The following DDX52 variants were observed in gnomAD, a reference collection of about 807,000 sequenced individuals.
DDX52 encodes the protein probable ATP-dependent RNA helicase DDX52.
DDX52 carries 59 observed loss-of-function variants against 76.1 expected under a neutral mutation model. The ratio of observed to expected loss-of-function variants is 0.78; its 90% CI spans 0.63 to 0.96. The LOEUF is 0.96. DDX52 is among the 40% of genes least tolerant of loss of function. The pLI is 0.00. For synonymous variants in DDX52, 231 were observed against 244.1 expected, an observed-to-expected ratio of 0.95 and a Z score of 0.50; for missense variants, 707 against 703.9, an observed-to-expected ratio of 1.00 and a Z score of -0.05.
At chr17:37,617,296 T>C (rs1313359727) in intron 14 of DDX52, among the ~76,000 whole-genome samples, 1 of 152,256 alleles carries the variant, frequency 6.6e-6, no homozygotes, top group African/African-American at 2.4e-5. Context: ...AGGCCATTGA[T>C]AGCACTCTCA....
In DDX52 at chr17:37,610,404, GTGTGAGCCACATGCCTGGGC is replaced by G. The variant is rs1183206359; in HGVS notation, c.*3872_*3891del. On this transcript the variant is annotated 3_prime_UTR_variant, in exon 15 of 15. Transcript: ENST00000617633. ...CCCACCTCGGCCTCCAAGTGCCAGGGTGTGAGCCACATGCCTGGGCTGTGATTTTTTTTTTTCTTTTAATC... is the reference window on the plus strand; with the variant it reads ...CCCACCTCGGCCTCCAAGTGCCAGGGTGTGATTTTTTTTTTTCTTTTAATC... 6.6e-6 allele frequency: 1 copy of G among 151,004 alleles called. No individual in the cohort carries two copies. Among genetic ancestry groups the G allele is most frequent in the Non-Finnish European group, 1.5e-5 (1 of 67,910 alleles). 9.4% of individuals were successfully genotyped at this position (151,004 alleles called of 1,614,324 possible).
intron 7 of DDX52, 130 bp from the exon 8 acceptor site, chr17:37,626,228 C>CA (rs71135752): frequency 7.0e-3 from 4,961 of 704,708 alleles, no homozygotes; most frequent in South Asian, 0.011. Context: ...TTTATCATAC[C>CA]AAAAAAAAAA....
At chr17:37,635,581 A>C (rs1334751250) in intron 2 of DDX52, 1 of 455,580 alleles carries the variant, frequency 2.2e-6, no homozygotes. Context: ...TTCCATTGTA[A>C]TGGATGTACA....
At chr17:37,615,496 G>A (rs1014851141) in intron 14 of DDX52, among the ~76,000 whole-genome samples, 6 of 152,030 alleles carry the variant, frequency 3.9e-5, no homozygotes, top group African/African-American at 1.2e-4. Flanking sequence ...TGGGCAATAT[G>A]GCAAAACCCC....
chr17:37,631,361 C>T (rs956773895), intron 4 of DDX52: 1 of 152,088 alleles, frequency 6.6e-6, no homozygotes, highest in African/African-American at 2.4e-5. Context: ...GTGAAAGAAA[C>T]CAGAAATAAA....
chr17:37,635,348 G>C (rs1184980157), intron 2 of DDX52, among the ~76,000 whole-genome samples: 1 of 152,140 alleles, frequency 6.6e-6, no homozygotes, highest in East Asian at 1.9e-4. Flanking sequence ...CACTTCTCCA[G>C]ATTTCCTCAT....
At position 37,642,104 on chromosome 17, in the gene DDX52, A is replaced by C. The variant is rs761023332; in HGVS notation, c.286+6T>G. 48 of 1,610,924 alleles carry C rather than the reference A, an allele frequency of 3.0e-5. No individual in the cohort carries two copies. The highest frequency in any genetic ancestry group is 4.5e-5 in the East Asian group (2 of 44,876). On this transcript the variant is annotated splice_donor_region_variant and intron_variant, in intron 2 of 14. Coordinates refer to ENST00000617633, the MANE Select transcript of DDX52 (RefSeq NM_007010.5). ...AGAAAAAACATGACAGAAATCAAACACTAACCTGAAGTCATCGTCTTCCTT... is the reference window on the plus strand; with the variant it reads ...AGAAAAAACATGACAGAAATCAAACCCTAACCTGAAGTCATCGTCTTCCTT...
intron 9 of DDX52, among the ~76,000 whole-genome samples, chr17:37,622,540 C>T (rs568931917): frequency 1.2e-4 from 19 of 152,040 alleles, no homozygotes; most frequent in Non-Finnish European, 1.9e-4. Flanking sequence ...ATGATCCGCC[C>T]GCTTCGGCCT....
At position 37,614,185 on chromosome 17, in the gene DDX52, T is replaced by C. The variant is rs1177178803; in HGVS notation, c.*111A>G. The C allele has an allele frequency of 1.8e-6, 2 of 1,112,936 alleles. No individual in the cohort carries two copies. The highest frequency in any genetic ancestry group is 2.5e-5 in the East Asian group (1 of 40,008). 68.9% of individuals were successfully genotyped at this position (1,112,936 alleles called of 1,614,324 possible). A position where few individuals can be genotyped will look rare whatever the true frequency, so the allele number is the denominator to read the frequency against. On this transcript the variant is annotated 3_prime_UTR_variant, in exon 15 of 15. Transcript: ENST00000617633. ...ACCAGTCCCATGTACTTGTAGTTGA[T>C]TTCAAATGTTTGGTACAGGTGACTG...
At chr17:37,628,499 G>T (rs1404691038) in intron 6 of DDX52, 62 bp downstream of exon 6, 7 of 1,321,524 alleles carry the variant, frequency 5.3e-6, no homozygotes, top group Non-Finnish European at 5.4e-6. Context: ...TAGCAATTAG[G>T]ATATTTATAA....
At chr17:37,631,234 T>C (rs1305901086) in intron 4 of DDX52, 1 of 152,228 alleles carries the variant, frequency 6.6e-6, no homozygotes, top group African/African-American at 2.4e-5. Flanking sequence ...AGTTAATCCA[T>C]ACCTCTATCA....
intron 14 of DDX52, among the ~76,000 whole-genome samples, chr17:37,615,355 C>T (rs913654732): frequency 3.9e-5 from 6 of 152,070 alleles, no homozygotes; most frequent in African/African-American, 9.7e-5. Flanking sequence ...CAAGTGTCTT[C>T]GAAGTCTTAG....
intron 2 of DDX52, among the ~76,000 whole-genome samples, chr17:37,636,451 A>C (rs978900370): frequency 6.6e-6 from 1 of 152,196 alleles, no homozygotes; most frequent in Non-Finnish European, 1.5e-5. Flanking sequence ...GGTCTTCAAA[A>C]AGTTCATGGA....
At position 37,630,170 on chromosome 17, in the gene DDX52, G is replaced by C. The variant is rs763625283; in HGVS notation, c.607C>G (p.Arg203Gly). ...MQAIPVMLHGRELLASAPTGS... is the reference protein window; with the variant it reads ...MQAIPVMLHGGELLASAPTGS... ...GTTGGAGCAGAAGCCAGAAGTTCCC[G>C]ACCCTAAAAACATAGGGTATATTAA... The change falls in exon 5 of 15, where the codon CGG (arginine) becomes GGG (glycine). Residue 203 changes from arginine (R) to glycine (G), a missense_variant. By Grantham distance (125) the Arg-to-Gly change is moderately radical. Coordinates refer to ENST00000617633, the MANE Select transcript of DDX52 (RefSeq NM_007010.5). 1.2e-6 allele frequency: 2 copies of C among 1,606,222 alleles called. No individual in the cohort carries two copies. The highest frequency in any genetic ancestry group is 1.7e-6 in the Non-Finnish European group (2 of 1,177,658).
rs2030707731 is a variant in DDX52, at chr17:37,632,100, T to C, written c.603+13A>G. Reference sequence around the variant, plus strand: ...GAAGGAATGTTACAGGCATTCTAGATCTTCATACTCACATGCAGCATAACT... The same window carrying C: ...GAAGGAATGTTACAGGCATTCTAGACCTTCATACTCACATGCAGCATAACT... On this transcript the variant is annotated intron_variant, in intron 4 of 14. Coordinates refer to ENST00000617633, the MANE Select transcript of DDX52 (RefSeq NM_007010.5). 6.2e-7 allele frequency: 1 copy of C among 1,612,460 alleles called. No homozygotes were observed. The highest frequency in any genetic ancestry group is 8.5e-7 in the Non-Finnish European group (1 of 1,179,692).
chr17:37,622,820 A>T (rs2030172871), intron 9 of DDX52, among the ~76,000 whole-genome samples: 1 of 152,222 alleles, frequency 6.6e-6, no homozygotes, highest in Non-Finnish European at 1.5e-5. Context: ...GATTCTCTTA[A>T]GAATATTAAT....
intron 8 of DDX52, among the ~76,000 whole-genome samples, chr17:37,625,024 A>G (rs1304805537): frequency 1.3e-5 from 2 of 150,622 alleles, no homozygotes; most frequent in Non-Finnish European, 2.9e-5. Context: ...TTTGTTTTTC[A>G]AGATGGAATC....
intron 14 of DDX52, among the ~76,000 whole-genome samples, chr17:37,616,743 TTGAC>T (rs1445382961): frequency 3.3e-5 from 5 of 152,162 alleles, no homozygotes; most frequent in Non-Finnish European, 5.9e-5. Context: ...TATTGATTGA[TTGAC>T]TATTCAAATA....
chr17:37,640,671 CTAGAG>C (rs1247928571), intron 2 of DDX52, among the ~76,000 whole-genome samples: 1 of 145,032 alleles, frequency 6.9e-6, no homozygotes, highest in African/African-American at 2.6e-5. Flanking sequence ...ATAAACAGCC[CTAGAG>C]TACAGTACAA....
Sources: allele counts gnomAD v4.1 joint callset (sites outside exome capture counted in the v4.1 genomes callset), GRCh38; gene constraint gnomAD v4.1.1; transcripts MANE v1.5; gene names NCBI Gene and HGNC (gene_info 2026-07-23, HGNC 2026-07-21).